Variants in ABCB10 observed in about 807,000 individuals in gnomAD.
ABCB10 encodes ATP-binding cassette sub-family B member 10, mitochondrial.
A neutral mutation model predicts 65.4 loss-of-function variants in ABCB10; 54 were observed. The ratio of observed to expected loss-of-function variants is 0.83; its 90% confidence interval spans 0.66 to 1.04. The LOEUF (loss-of-function observed/expected upper bound fraction) is 1.04. ABCB10 is among the 50% of genes least tolerant of loss of function. ABCB10 has a pLI of 0.00. For synonymous variants in ABCB10, 418 were observed against 406.5 expected (o/e 1.03, Z -0.34); for missense variants, 846 against 976.6 (o/e 0.87, Z 1.78).
chr1:229,543,864 A>T (rs1316659787), intron 3 of ABCB10, among the ~76,000 whole-genome samples: 1 of 152,130 alleles, frequency 6.6e-6, no homozygotes, highest in Admixed American at 6.5e-5. Context: ...GTCTTGGGGA[A>T]CATAATCATA....
chr1:229,549,407 C>A lies in ABCB10; in HGVS notation c.545G>T (p.Ser182Ile). ...GAAAGGGGCAGACATGGAGATAACA[C>A]TGGACATCGTGAGAAATCCAACCGC... Reference protein sequence around the residue: ...AAAVGFLTMSSVISMSAPFFL... With the variant: ...AAAVGFLTMSIVISMSAPFFL... Residue 182 changes from serine to isoleucine, a missense_variant, in exon 2 of 13, where the codon AGT (serine) becomes ATT (isoleucine). Transcript: ENST00000344517. 1 of 1,614,146 alleles carries A rather than the reference C, an allele frequency of 6.2e-7. No individual in the cohort carries two copies. Among genetic ancestry groups the A allele is most frequent in the East Asian group, 2.2e-5 (1 of 44,890 alleles).
intron 11 of ABCB10, 52 bp downstream of exon 11, chr1:229,521,540 C>A: frequency 6.5e-7 from 1 of 1,528,656 alleles, no homozygotes; most frequent in Non-Finnish European, 8.8e-7. Flanking sequence ...TACAAGGTCC[C>A]TAATAAAAAT....
rs1571959359 is a variant in ABCB10, at chr1:229,527,091, C to T, written c.1725+138G>A. 6.6e-6 allele frequency: 5 copies of T among 753,814 alleles called. No individual in the cohort carries two copies. The East Asian group carries it at 1.3e-4, about 19-fold the overall frequency. 46.7% of individuals were successfully genotyped at this position (753,814 alleles called of 1,614,324 possible). A position where few individuals can be genotyped will look rare whatever the true frequency, so the allele number is the denominator to read the frequency against. ...CTACTTGCAAACCTAAACAACCTGC[C>T]ATGTGAGATGAGCTTAATACATCCC... On this transcript the variant is annotated intron_variant, in intron 9 of 12. Transcript: ENST00000344517.
Position 229,549,281 on chromosome 1 carries a change from C to T in ABCB10, c.671G>A (p.Cys224Tyr), listed in dbSNP as rs2102707520. 6.2e-7 allele frequency: 1 copy of T among 1,614,156 alleles called. No homozygotes were observed. Among genetic ancestry groups the T allele is most frequent in the Non-Finnish European group, 8.5e-7 (1 of 1,180,048 alleles). The change falls in exon 2 of 13, where the codon TGT becomes TAT. Residue 224 changes from cysteine (C) to tyrosine (Y), a missense_variant. Physicochemically the swap from Cys to Tyr is radical, Grantham distance 194. Transcript: ENST00000344517. Reference sequence around the variant, plus strand: ...ACGAATGGCATTGGCGGCAGCACCACACAGAAACACGGCACTGAGCCCTAG... The same window carrying T: ...ACGAATGGCATTGGCGGCAGCACCATACAGAAACACGGCACTGAGCCCTAG... The part of the protein sequence containing the change: ...LCLGLSAVFL[C>Y]GAAANAIRVY...
rs1382784183 is a variant in ABCB10, at chr1:229,540,855, A to C, written c.1057-103T>G. 7 of 1,299,190 alleles carry C rather than the reference A, an allele frequency of 5.4e-6. No homozygotes were observed. The East Asian group carries it at 1.7e-4, about 32-fold the overall frequency. 80.5% of individuals were successfully genotyped at this position (1,299,190 alleles called of 1,614,324 possible). ...GTTCTCATTTTGTTATTCATTAGAA[A>C]GAAAAGAAAAGAAATAGTGATAGTA... On this transcript the variant is annotated intron_variant, in intron 4 of 12. Coordinates refer to ENST00000344517, the MANE Select transcript of ABCB10 (RefSeq NM_012089.3).
In ABCB10 at chr1:229,518,426, A is replaced by G. The variant is rs777979470; in HGVS notation, c.1986-16T>C. On this transcript the variant is annotated splice_polypyrimidine_tract_variant and intron_variant, in intron 12 of 12. Coordinates refer to ENST00000344517, the MANE Select transcript of ABCB10 (RefSeq NM_012089.3). ...ATCCAGCGCACTGACACAGGAGCACACACACAAGAAAGCAAAGACGTCAGT... is the reference window on the plus strand; with the variant it reads ...ATCCAGCGCACTGACACAGGAGCACGCACACAAGAAAGCAAAGACGTCAGT... 2 of 1,609,376 alleles carry G rather than the reference A, an allele frequency of 1.2e-6. No homozygotes were observed. The highest frequency in any genetic ancestry group is 3.3e-5 in the Admixed American group (2 of 59,954).
chr1:229,525,188 A>ATC (rs1359363137), intron 10 of ABCB10, among the ~76,000 whole-genome samples: 5 of 152,166 alleles, frequency 3.3e-5, no homozygotes, highest in African/African-American at 9.7e-5. Context: ...GGCTCTTTAA[A>ATC]GAAAAGTTTG....
intron 3 of ABCB10, among the ~76,000 whole-genome samples, chr1:229,545,163 A>G (rs779306318): frequency 6.6e-6 from 1 of 152,232 alleles, no homozygotes; most frequent in African/African-American, 2.4e-5. Flanking sequence ...TGTTACAAAA[A>G]GTACCCCAAG....
intron 10 of ABCB10, 122 bp downstream of exon 10, chr1:229,525,814 G>A (rs887792356): frequency 8.2e-7 from 1 of 1,215,378 alleles, no homozygotes; most frequent in Non-Finnish European, 1.1e-6. Context: ...CTCCAGCCTG[G>A]GTGACAGAGC....
In ABCB10 at chr1:229,558,697, G is replaced by C; in HGVS notation, c.-45C>G. 1.6e-6 allele frequency: 2 copies of C among 1,254,580 alleles called. No homozygotes were observed. Among genetic ancestry groups the C allele is most frequent in the Non-Finnish European group, 2.0e-6 (2 of 1,000,214 alleles). The allele number at this position is 1,254,580 out of a possible 1,614,324, so 77.7% of individuals were successfully genotyped here. On this transcript the variant is annotated 5_prime_UTR_variant, in exon 1 of 13. Transcript: ENST00000344517. ...ACGCCTCAGCCCGCCGGCCAGGCGCGCGCAAAGCCCGAGGACCCTCCCGGC... is the reference window on the plus strand; with the variant it reads ...ACGCCTCAGCCCGCCGGCCAGGCGCCCGCAAAGCCCGAGGACCCTCCCGGC...
chr1:229,542,737 C>T (rs1210212998), intron 3 of ABCB10, among the ~76,000 whole-genome samples: 1 of 151,588 alleles, frequency 6.6e-6, no homozygotes, highest in African/African-American at 2.4e-5. Context: ...CTCCAGTCCA[C>T]CTCAGGAGTT....
intron 6 of ABCB10, 50 bp downstream of exon 6, chr1:229,539,406 A>C: frequency 6.3e-7 from 1 of 1,594,832 alleles, no homozygotes; most frequent in East Asian, 2.2e-5. Context: ...TTCAGAAATG[A>C]TGCTCTGATT....
chr1:229,552,673 A>C (rs141421301), intron 1 of ABCB10, among the ~76,000 whole-genome samples: 15 of 152,302 alleles, frequency 9.8e-5, no homozygotes, highest in Admixed American at 2.0e-4. Context: ...TATATCAGGC[A>C]GGTACAGCAA....
intron 10 of ABCB10, among the ~76,000 whole-genome samples, chr1:229,523,543 T>C (rs1231826194): frequency 6.6e-6 from 1 of 152,182 alleles, no homozygotes; most frequent in Non-Finnish European, 1.5e-5. Context: ...AACCCTCTCC[T>C]GAGCCTCTGA....
At chr1:229,546,334 C>T (rs1401864511) in intron 3 of ABCB10, among the ~76,000 whole-genome samples, 1 of 151,996 alleles carries the variant, frequency 6.6e-6, no homozygotes, top group African/African-American at 2.4e-5. Flanking sequence ...TGGTAATTGA[C>T]TGTTAATGTT....
chr1:229,544,189 G>A (rs1012182372), intron 3 of ABCB10, among the ~76,000 whole-genome samples: 7 of 152,256 alleles, frequency 4.6e-5, no homozygotes, highest in South Asian at 4.1e-4. Flanking sequence ...TGAGGCAGGC[G>A]GATCGCTTGA....
At position 229,558,502 on chromosome 1, in the gene ABCB10, G is replaced by A. The variant is rs1240409589; in HGVS notation, c.151C>T (p.Leu51=). The change falls in exon 1 of 13, where the codon CTA becomes TTA. Residue 51 remains leucine (L), a synonymous_variant. Coordinates refer to ENST00000344517, the MANE Select transcript of ABCB10 (RefSeq NM_012089.3). ...SPFTGLRPAR[L]WGAGPALLWG... ...AGCAGCGCGGGCCCCGCGCCCCATA[G>A]CCGCGCCGGCCTCAGGCCAGTGAAC... is the stretch of plus-strand genomic sequence containing the variant. The A allele has an allele frequency of 7.3e-7, 1 of 1,371,342 alleles. No individual in the cohort carries two copies. The highest frequency in any genetic ancestry group is 1.5e-5 in the African/African-American group (1 of 65,858). The allele number at this position is 1,371,342 out of a possible 1,614,324, so 84.9% of individuals were successfully genotyped here. A position where few individuals can be genotyped will look rare whatever the true frequency, so the allele number is the denominator to read the frequency against.
chr1:229,530,116 T>C (rs1025034408), intron 8 of ABCB10, 83 bp downstream of exon 8: 37 of 1,328,302 alleles, frequency 2.8e-5, no homozygotes, highest in Non-Finnish European at 4.0e-5. Flanking sequence ...GGTATTTGCA[T>C]GGTTTGAGCA....
intron 11 of ABCB10, among the ~76,000 whole-genome samples, chr1:229,519,978 TTA>T (rs1662266288): frequency 1.3e-5 from 2 of 150,814 alleles, no homozygotes; most frequent in African/African-American, 4.9e-5. Flanking sequence ...AAATTTTTTT[TTA>T]AATTAGCTGG....
Sources: allele counts gnomAD v4.1 joint callset (sites outside exome capture counted in the v4.1 genomes callset), GRCh38; gene constraint gnomAD v4.1.1; transcripts MANE v1.5; gene names NCBI Gene and HGNC (gene_info 2026-07-23, HGNC 2026-07-21).